The following ADAM12 variants were observed in gnomAD, a reference collection of about 807,000 sequenced individuals.
ADAM12 encodes ADAM metallopeptidase domain 12, also known as disintegrin and metalloproteinase domain-containing protein 12.
Under a neutral mutation model 106.4 loss-of-function variants are expected in ADAM12, and 70 were observed. That is an observed-to-expected ratio of 0.66 (90% confidence interval 0.54 to 0.80). ADAM12 has a LOEUF of 0.80. Ranked by LOEUF, ADAM12 falls within the 30% of genes least tolerant of loss-of-function variation. The probability of loss-of-function intolerance (pLI) is 0.00; values close to 1 mark genes in which losing one functional copy is unlikely to be tolerated. For synonymous variants in ADAM12, 420 were observed against 433.5 expected (o/e 0.97, Z 0.39); for missense variants, 1,010 against 1,171.9 (o/e 0.86, Z 2.02).
At chr10:126,361,962 C>A (rs925483017) in intron 1 of ADAM12, among the ~76,000 whole-genome samples, 1 of 151,780 alleles carries the variant, frequency 6.6e-6, no homozygotes, top group Non-Finnish European at 1.5e-5. Flanking sequence ...AAAGCTTTCA[C>A]ACAATGAAGA....
intron 14 of ADAM12, among the ~76,000 whole-genome samples, chr10:126,061,069 C>T (rs928812049): frequency 9.9e-5 from 15 of 152,238 alleles, no homozygotes; most frequent in Non-Finnish European, 1.9e-4. Flanking sequence ...CCACCCCTGG[C>T]AAACCACTAT....
chr10:126,245,399 C>T (rs972645154), intron 3 of ADAM12, among the ~76,000 whole-genome samples: 18 of 152,128 alleles, frequency 1.2e-4, no homozygotes, highest in South Asian at 4.2e-4. Context: ...GAAAGGAATG[C>T]GCACAATTGG....
intron 6 of ADAM12, among the ~76,000 whole-genome samples, chr10:126,113,672 AAAAAAAAAAAAAAAAATATATATATAT>A (rs1241982870): frequency 8.0e-4 from 44 of 54,798 alleles, no homozygotes; most frequent in Non-Finnish European, 1.3e-3. Context: ...AAAAAAAAAA[AAAAAAAAAAAAAAAAATATATATATAT>A]ATATATATAT....
At chr10:126,026,469 A>C (rs758676668) in intron 21 of ADAM12, among the ~76,000 whole-genome samples, 6 of 152,158 alleles carry the variant, frequency 3.9e-5, no homozygotes, top group Admixed American at 6.6e-5. Context: ...AAAACCAACA[A>C]TCTACATTCT....
At chr10:126,214,215 A>C (rs1374741832) in intron 3 of ADAM12, among the ~76,000 whole-genome samples, 1 of 152,344 alleles carries the variant, frequency 6.6e-6, no homozygotes, top group Middle Eastern at 3.4e-3. Context: ...TCGTATGCGC[A>C]GAACACCAGA....
In ADAM12 at chr10:126,388,349, T is replaced by C. The variant is rs1165703173; in HGVS notation, c.-204A>G. 2 of 735,876 alleles carry C rather than the reference T, an allele frequency of 2.7e-6. No individual in the cohort carries two copies. Among genetic ancestry groups the C allele is most frequent in the African/African-American group, 3.8e-5 (2 of 53,292 alleles). 45.6% of individuals were successfully genotyped at this position (735,876 alleles called of 1,614,324 possible). A position where few individuals can be genotyped will look rare whatever the true frequency, so the allele number is the denominator to read the frequency against. On this transcript the variant is annotated 5_prime_UTR_variant, in exon 1 of 23. Coordinates refer to ENST00000448723, the MANE Select transcript of ADAM12 (RefSeq NM_001288973.2). The surrounding 1 kb of genome is among the most constrained non-coding windows in gnomAD (Gnocchi z 4.4). ...TTAAAAAAGTTTCCCCCCGTGTGTG[T>C]GCGTGCGTGCGCGCGCGCGCGCCGT... is the stretch of plus-strand genomic sequence containing the variant.
intron 3 of ADAM12, among the ~76,000 whole-genome samples, chr10:126,159,307 CAAAAAAAAA>C (rs3069557): frequency 1.5e-4 from 12 of 80,616 alleles, no homozygotes; most frequent in East Asian, 3.4e-4. Flanking sequence ...GAGACTCCAT[CAAAAAAAAA>C]AAAAAAAAAA....
intron 5 of ADAM12, among the ~76,000 whole-genome samples, chr10:126,125,168 C>A (rs1460966315): frequency 6.6e-6 from 1 of 151,828 alleles, no homozygotes; most frequent in Non-Finnish European, 1.5e-5. Context: ...CTGGACCTAT[C>A]AGCAGTCACT....
At chr10:126,155,149 T>C in intron 4 of ADAM12, 78 bp downstream of exon 4, 2 of 1,509,252 alleles carry the variant, frequency 1.3e-6, no homozygotes, top group Non-Finnish European at 1.8e-6. Flanking sequence ...GTGATTTTGC[T>C]CCGAATAAAA....
intron 3 of ADAM12, among the ~76,000 whole-genome samples, chr10:126,221,404 A>AAAAAAG (rs1554989461): frequency 2.3e-4 from 35 of 149,946 alleles, no homozygotes; most frequent in African/African-American, 8.4e-4. Context: ...AAAAAAAAAA[A>AAAAAAG]AAAGAAAGAA....
intron 14 of ADAM12, among the ~76,000 whole-genome samples, chr10:126,054,529 A>C (rs1954586224): frequency 6.6e-6 from 1 of 152,222 alleles, no homozygotes; most frequent in Admixed American, 6.5e-5. Flanking sequence ...TATGGGGTCT[A>C]AGAAAAATAC....
chr10:126,199,899 C>T (rs968434212), intron 3 of ADAM12, among the ~76,000 whole-genome samples: 2 of 152,100 alleles, frequency 1.3e-5, no homozygotes, highest in Non-Finnish European at 2.9e-5. Flanking sequence ...CAAAGCAATG[C>T]TTTTTGGTCA....
intron 3 of ADAM12, among the ~76,000 whole-genome samples, chr10:126,159,175 T>C (rs1212148695): frequency 1.3e-5 from 2 of 151,588 alleles, no homozygotes; most frequent in African/African-American, 4.8e-5. Context: ...CCGGGCACGG[T>C]GGTGGGTGCC....
intron 21 of ADAM12, among the ~76,000 whole-genome samples, chr10:126,020,859 G>C (rs1298686662): frequency 2.0e-5 from 3 of 151,954 alleles, no homozygotes; most frequent in African/African-American, 7.2e-5. Flanking sequence ...TAGCATGGTG[G>C]CACATGCCTG....
At chr10:126,355,721 C>T (rs1295391670) in intron 1 of ADAM12, among the ~76,000 whole-genome samples, 1 of 152,220 alleles carries the variant, frequency 6.6e-6, no homozygotes, top group African/African-American at 2.4e-5. Flanking sequence ...CTCAGTCTCA[C>T]TTCATAAAGA....
chr10:126,073,784 T>C (rs114208659), intron 11 of ADAM12, among the ~76,000 whole-genome samples: 2,007 of 152,368 alleles, frequency 0.013, 45 homozygotes, highest in African/African-American at 0.045. Context: ...GACTTACTCA[T>C]AGTGCTGTAA....
chr10:126,305,361 C>T (rs1960798352), intron 2 of ADAM12, among the ~76,000 whole-genome samples: 1 of 151,962 alleles, frequency 6.6e-6, no homozygotes, highest in African/African-American at 2.4e-5. Flanking sequence ...GAGCCAGACA[C>T]AAAAGAGTAC....
intron 1 of ADAM12, among the ~76,000 whole-genome samples, chr10:126,379,693 A>T (rs1043147260): frequency 1.1e-4 from 17 of 151,948 alleles, no homozygotes; most frequent in Admixed American, 3.9e-4. Flanking sequence ...AAAGTATATT[A>T]AAAAAAGTTG....
At chr10:126,294,492 C>T (rs769440482) in intron 2 of ADAM12, among the ~76,000 whole-genome samples, 4 of 152,108 alleles carry the variant, frequency 2.6e-5, no homozygotes, top group Non-Finnish European at 4.4e-5. Context: ...ATTTCTCCCG[C>T]GACAGTCTCG....
Sources: allele counts gnomAD v4.1 joint callset (sites outside exome capture counted in the v4.1 genomes callset), GRCh38; gene constraint gnomAD v4.1.1; non-coding constraint Gnocchi (gnomAD v3.1); transcripts MANE v1.5; gene names NCBI Gene and HGNC (gene_info 2026-07-23, HGNC 2026-07-21).